ARHGEF9: variants seen among roughly 807,000 people sequenced by gnomAD.
ARHGEF9 encodes the protein rho guanine nucleotide exchange factor 9.
In ARHGEF9, 2 loss-of-function variants were observed where a neutral mutation model predicts 41.3. The observed-to-expected ratio is 0.05, with a 90% confidence interval of 0.02 to 0.15. The LOEUF is 0.15. ARHGEF9 is among the 10% of genes least tolerant of loss of function. The pLI, the probability that ARHGEF9 is intolerant of heterozygous loss-of-function variation, is 1.00. For missense variants in ARHGEF9, 225 were observed against 424.7 expected (o/e 0.53, Z 4.13); for synonymous variants, 160 against 154.4 (o/e 1.04, Z -0.27).
At chrX:63,732,580 A>G (rs1360412101) in intron 1 of ARHGEF9, among the ~76,000 whole-genome samples, 1 of 110,905 alleles carries the variant, frequency 9.0e-6, no homozygotes, top group African/African-American at 3.3e-5. Context: ...TGCTAGTATC[A>G]CTCCTCAAGC....
intron 1 of ARHGEF9, chrX:63,756,023 G>T: frequency 5.3e-6 from 1 of 187,976 alleles, no homozygotes; most frequent in Non-Finnish European, 8.2e-6. Context: ...CTAGAGCTAA[G>T]GAGGGAAAAG....
intron 1 of ARHGEF9, among the ~76,000 whole-genome samples, chrX:63,740,289 C>G (rs1466549794): frequency 8.9e-6 from 1 of 112,100 alleles, no homozygotes; most frequent in African/African-American, 3.2e-5. Context: ...ATGACTTTGA[C>G]CAACCTGACT....
chrX:63,706,420 C>G lies in ARHGEF9; in HGVS notation c.240G>C (p.Glu80Asp), dbSNP rs1188146457. ...CGTTCTGCACATCGCTGGGCCCCTCCTCCACCTCATCCTCCTGGTTCACCC... is the reference window on the plus strand; with the variant it reads ...CGTTCTGCACATCGCTGGGCCCCTCGTCCACCTCATCCTCCTGGTTCACCC... ...RLWVNQEDEV[E>D]EGPSDVQNGH... Residue 80 changes from glutamate (E) to aspartate (D), a missense_variant, in exon 3 of 10, where the codon GAG becomes GAC. Coordinates refer to ENST00000671741, the MANE Select transcript of ARHGEF9 (RefSeq NM_001353921.2). The G allele has an allele frequency of 2.5e-6, 3 of 1,208,011 alleles. No homozygotes were observed. The highest frequency in any genetic ancestry group is 1.8e-5 in the South Asian group (1 of 56,050).
At chrX:63,726,135 T>G (rs1390044861) in intron 1 of ARHGEF9, among the ~76,000 whole-genome samples, 1 of 112,094 alleles carries the variant, frequency 8.9e-6, no homozygotes, top group Non-Finnish European at 1.9e-5. Flanking sequence ...TGGCTCAGGA[T>G]TCATCTTTGT....
chrX:63,735,320 T>G (rs2054544641), intron 1 of ARHGEF9, among the ~76,000 whole-genome samples: 1 of 111,319 alleles, frequency 9.0e-6, no homozygotes, highest in Admixed American at 9.6e-5. Flanking sequence ...CTTGGAGTTT[T>G]CTGGGCAGGG....
intron 1 of ARHGEF9, among the ~76,000 whole-genome samples, chrX:63,746,239 A>C (rs2147750094): frequency 8.9e-6 from 1 of 112,115 alleles, no homozygotes; most frequent in Non-Finnish European, 1.9e-5. Context: ...TGGTGCTCAA[A>C]GATCAATGGC....
intron 1 of ARHGEF9, among the ~76,000 whole-genome samples, chrX:63,781,232 A>G (rs1286395634): frequency 8.9e-6 from 1 of 112,273 alleles, no homozygotes; most frequent in Non-Finnish European, 1.9e-5. Context: ...ACTGATTATT[A>G]CTGAAAATAA....
intron 2 of ARHGEF9, among the ~76,000 whole-genome samples, chrX:63,706,799 G>A (rs2052577207): frequency 1.8e-5 from 2 of 112,389 alleles, no homozygotes; most frequent in Non-Finnish European, 3.8e-5. Context: ...GCACCTGCAA[G>A]TATAGAGGCC....
intron 7 of ARHGEF9, 87 bp from the exon 8 acceptor site, chrX:63,655,824 C>T (rs2147219746): frequency 3.6e-6 from 4 of 1,126,023 alleles, no homozygotes; most frequent in Non-Finnish European, 4.8e-6. Context: ...AATGCTAACA[C>T]TGTCACCGTT....
intron 3 of ARHGEF9, among the ~76,000 whole-genome samples, chrX:63,705,348 T>A (rs1403357254): frequency 1.1e-5 from 1 of 88,901 alleles, no homozygotes; most frequent in Non-Finnish European, 2.2e-5. Context: ...AAGAAAGATA[T>A]AAGAGAGAAT....
chrX:63,759,524 T>C (rs1209144701), intron 1 of ARHGEF9, among the ~76,000 whole-genome samples: 3 of 111,746 alleles, frequency 2.7e-5, no homozygotes, highest in Admixed American at 9.5e-5. Flanking sequence ...AGAAAGTTCT[T>C]CCATCTCTTT....
chrX:63,741,823 G>A (rs782579796), intron 1 of ARHGEF9, among the ~76,000 whole-genome samples: 1 of 112,609 alleles, frequency 8.9e-6, no homozygotes, highest in Non-Finnish European at 1.9e-5. Context: ...ATGTTTAACT[G>A]AATGTGTGTT....
chrX:63,734,731 C>A (rs1199396523), intron 1 of ARHGEF9, among the ~76,000 whole-genome samples: 1 of 111,458 alleles, frequency 9.0e-6, no homozygotes, highest in Non-Finnish European at 1.9e-5. Context: ...TTTGCTTCTG[C>A]TCTGTTCCAC....
At chrX:63,748,806 A>T (rs2055432616) in intron 1 of ARHGEF9, among the ~76,000 whole-genome samples, 1 of 112,595 alleles carries the variant, frequency 8.9e-6, no homozygotes, top group Non-Finnish European at 1.9e-5. Flanking sequence ...GTTGAGAATC[A>T]GTAGAAGGCT....
At chrX:63,767,422 T>G in intron 1 of ARHGEF9, 1 of 376,715 alleles carries the variant, frequency 2.7e-6, no homozygotes, top group East Asian at 6.7e-5. Context: ...TAAAAAATTT[T>G]TGTTTATGGA....
chrX:63,781,243 T>C (rs1299711310), intron 1 of ARHGEF9, among the ~76,000 whole-genome samples: 1 of 112,034 alleles, frequency 8.9e-6, no homozygotes, highest in Admixed American at 9.4e-5. Context: ...CTGAAAATAA[T>C]TTTTTCATAT....
intron 8 of ARHGEF9, among the ~76,000 whole-genome samples, chrX:63,644,667 G>A (rs1419333437): frequency 9.1e-6 from 1 of 109,392 alleles, no homozygotes; most frequent in Non-Finnish European, 1.9e-5. Context: ...CTTCACAACA[G>A]AAAGGACAGC....
intron 8 of ARHGEF9, among the ~76,000 whole-genome samples, chrX:63,648,320 T>C (rs2048274770): frequency 9.0e-6 from 1 of 111,107 alleles, no homozygotes; most frequent in African/African-American, 3.3e-5. Context: ...AAAATAATTT[T>C]CAACCCAGAA....
intron 8 of ARHGEF9, among the ~76,000 whole-genome samples, chrX:63,644,762 AT>A (rs782795423): frequency 0.15 from 14,524 of 98,169 alleles, 2,914 homozygotes; most frequent in African/African-American, 0.51. Context: ...TATTATTATT[AT>A]TTTTTTTTTT....
Sources: gnomAD v4.1 joint callset for allele counts (sites outside exome capture counted in the v4.1 genomes callset) on GRCh38, gnomAD v4.1.1 for gene constraint, MANE v1.5 for transcripts, NCBI Gene and HGNC (gene_info 2026-07-23, HGNC 2026-07-21) for gene names.